ZBTB20: variants seen among roughly 807,000 people sequenced by gnomAD.
The protein encoded by ZBTB20 is zinc finger and BTB domain containing 20.
A neutral mutation model predicts 56.9 loss-of-function variants in ZBTB20; 9 were observed. The ratio of observed to expected loss-of-function variants is 0.16; its 90% CI spans 0.10 to 0.28. ZBTB20 has a LOEUF of 0.28. ZBTB20 is among the 10% of genes least tolerant of loss of function. The pLI is 1.00. For missense variants in ZBTB20, 655 were observed against 1,003.0 expected (o/e 0.65, Z 4.69); for synonymous variants, 417 against 420.7 (o/e 0.99, Z 0.11).
At chr3:114,442,962 C>A (rs922863955) in intron 7 of ZBTB20, among the ~76,000 whole-genome samples, 1 of 152,104 alleles carries the variant, frequency 6.6e-6, no homozygotes, top group African/African-American at 2.4e-5. Context: ...TTACCATTGA[C>A]CTCATTAATA....
chr3:114,736,746 T>A (rs2066188929), intron 5 of ZBTB20, among the ~76,000 whole-genome samples: 1 of 152,040 alleles, frequency 6.6e-6, no homozygotes. Flanking sequence ...TGGGAATCAG[T>A]GAGCCCCAAA....
chr3:114,475,299 T>C (rs2040617413), intron 7 of ZBTB20, among the ~76,000 whole-genome samples: 2 of 152,102 alleles, frequency 1.3e-5, no homozygotes, highest in Admixed American at 6.6e-5. Context: ...TTAGCCCTCC[T>C]CTGAGCTCCA....
At chr3:115,146,939 T>C (rs962363439) in intron 1 of ZBTB20, among the ~76,000 whole-genome samples, 34 of 149,652 alleles carry the variant, frequency 2.3e-4, no homozygotes, top group African/African-American at 8.3e-4. Context: ...CCCCGCCGGG[T>C]CGGGCGAGGC....
At position 114,548,493 on chromosome 3, in the gene ZBTB20, T is replaced by C. The variant is rs184622478; in HGVS notation, c.-294-48102A>G. Among the ~76,000 whole-genome samples the C allele has an allele frequency of 1.3e-4, 20 of 152,106 alleles. No homozygotes were observed. In the East Asian group the frequency reaches 3.9e-3, roughly 29 times the overall value. On this transcript the variant is annotated intron_variant, in intron 6 of 11. Coordinates refer to ENST00000675478, the MANE Select transcript of ZBTB20 (RefSeq NM_001348800.3). ...AGTTTTAAAAACACAACTGCACTATTTCTTTTGTTTTTCTTTTTATTTTCT... is the reference window on the plus strand; with the variant it reads ...AGTTTTAAAAACACAACTGCACTATCTCTTTTGTTTTTCTTTTTATTTTCT...
chr3:114,832,391 C>T (rs2073898756), intron 4 of ZBTB20, among the ~76,000 whole-genome samples: 1 of 151,982 alleles, frequency 6.6e-6, no homozygotes, highest in African/African-American at 2.4e-5. Flanking sequence ...TATGCCAGTA[C>T]TCCTCATATA....
At chr3:114,937,247 GTTC>G (rs1050826895) in intron 3 of ZBTB20, among the ~76,000 whole-genome samples, 9 of 152,126 alleles carry the variant, frequency 5.9e-5, no homozygotes, top group African/African-American at 1.9e-4. Context: ...GTGTAAAAGC[GTTC>G]TTATTTCTCC....
chr3:114,785,207 A>C (rs1376577633), intron 5 of ZBTB20, among the ~76,000 whole-genome samples: 1 of 152,248 alleles, frequency 6.6e-6, no homozygotes, highest in African/African-American at 2.4e-5. Context: ...TTTTCCAAAA[A>C]GGATAAAATC....
chr3:114,776,450 C>CA (rs1283363557), intron 5 of ZBTB20, among the ~76,000 whole-genome samples: 4 of 151,938 alleles, frequency 2.6e-5, no homozygotes, highest in Non-Finnish European at 5.9e-5. Context: ...GGCCACAAGC[C>CA]AAAAAACGGT....
chr3:115,136,084 T>C (rs1320613470), intron 1 of ZBTB20, among the ~76,000 whole-genome samples: 3 of 152,074 alleles, frequency 2.0e-5, no homozygotes, highest in Admixed American at 1.3e-4. Flanking sequence ...ATATCCTGAA[T>C]TGATTGTAGT....
intron 8 of ZBTB20, among the ~76,000 whole-genome samples, chr3:114,381,969 T>C (rs2084410786): frequency 6.6e-6 from 1 of 152,214 alleles, no homozygotes; most frequent in Non-Finnish European, 1.5e-5. Context: ...ATCTTGAGTG[T>C]CTACATGGAC....
At chr3:115,063,959 T>C (rs1459431219) in intron 2 of ZBTB20, among the ~76,000 whole-genome samples, 1 of 152,186 alleles carries the variant, frequency 6.6e-6, no homozygotes, top group African/African-American at 2.4e-5. Context: ...ATACATTTGG[T>C]ACCTTGAGTA....
intron 6 of ZBTB20, among the ~76,000 whole-genome samples, chr3:114,504,750 C>A (rs975212027): frequency 1.3e-5 from 2 of 152,136 alleles, no homozygotes; most frequent in African/African-American, 4.8e-5. Context: ...TTGAGGATCA[C>A]CCAAGTGGAA....
chr3:114,557,659 C>T (rs1158360659), intron 6 of ZBTB20, among the ~76,000 whole-genome samples: 1 of 151,858 alleles, frequency 6.6e-6, no homozygotes, highest in East Asian at 1.9e-4. Flanking sequence ...GAGCTATAAC[C>T]TATAGTCTTA....
intron 3 of ZBTB20, among the ~76,000 whole-genome samples, chr3:114,907,785 C>G (rs1315713063): frequency 6.6e-6 from 1 of 151,642 alleles, no homozygotes; most frequent in African/African-American, 2.4e-5. Flanking sequence ...GGCATTGTTC[C>G]AAGTGGTGGT....
chr3:115,135,792 T>C (rs2084637618), intron 1 of ZBTB20, among the ~76,000 whole-genome samples: 1 of 152,168 alleles, frequency 6.6e-6, no homozygotes, highest in Admixed American at 6.5e-5. Context: ...TATTATATTA[T>C]CACTAATATT....
intron 2 of ZBTB20, among the ~76,000 whole-genome samples, chr3:115,010,198 G>C (rs1237964933): frequency 1.3e-5 from 2 of 151,910 alleles, no homozygotes; most frequent in African/African-American, 4.8e-5. Flanking sequence ...GGGGGTCCTT[G>C]CTGTCCTGAA....
intron 5 of ZBTB20, among the ~76,000 whole-genome samples, chr3:114,799,480 C>G (rs1469725442): frequency 6.6e-6 from 1 of 151,864 alleles, no homozygotes; most frequent in Non-Finnish European, 1.5e-5. Flanking sequence ...TCCTGACTGT[C>G]AAAAACTGTA....
intron 7 of ZBTB20, among the ~76,000 whole-genome samples, chr3:114,409,247 A>G (rs184503930): frequency 6.6e-6 from 1 of 151,630 alleles, no homozygotes; most frequent in Admixed American, 6.6e-5. Flanking sequence ...ATAAGCATGA[A>G]TAAAGAAGCA....
chr3:114,368,208 T>C (rs1204935747), intron 10 of ZBTB20, among the ~76,000 whole-genome samples: 1 of 152,084 alleles, frequency 6.6e-6, no homozygotes, highest in African/African-American at 2.4e-5. Context: ...CATGAGGAAA[T>C]GGAAACATAG....
Sources: allele counts gnomAD v4.1 joint callset (sites outside exome capture counted in the v4.1 genomes callset), GRCh38; gene constraint gnomAD v4.1.1; transcripts MANE v1.5; gene names NCBI Gene and HGNC (gene_info 2026-07-23, HGNC 2026-07-21).